Variants in CREBBP observed in about 807,000 individuals in gnomAD.
The protein encoded by CREBBP is CREB binding lysine acetyltransferase.
A neutral mutation model predicts 265.0 loss-of-function variants in CREBBP; 19 were observed. That is an observed-to-expected ratio of 0.07 (90% CI 0.05 to 0.11). CREBBP has a LOEUF of 0.11. CREBBP is among the 10% of genes least tolerant of loss of function. The pLI is 1.00. For missense variants in CREBBP, 2,525 were observed against 3,219.0 expected (o/e 0.78, Z 5.22); for synonymous variants, 1,457 against 1,223.7 (o/e 1.19, Z -3.98).
chr16:3,825,339 C>T (rs1292381284), intron 2 of CREBBP, among the ~76,000 whole-genome samples: 1 of 152,190 alleles, frequency 6.6e-6, no homozygotes, highest in Non-Finnish European at 1.5e-5. Context: ...TCCCTGCAAT[C>T]ACACTACTTC....
chr16:3,808,047 T>C (rs1480616363), intron 3 of CREBBP, among the ~76,000 whole-genome samples: 1 of 150,322 alleles, frequency 6.7e-6, no homozygotes, highest in East Asian at 2.0e-4. Context: ...TGGACAAAAA[T>C]GCTTTCTCAG....
intron 1 of CREBBP, among the ~76,000 whole-genome samples, chr16:3,853,243 G>A (rs1280501906): frequency 1.3e-5 from 2 of 152,140 alleles, no homozygotes; most frequent in Non-Finnish European, 2.9e-5. Flanking sequence ...GCCTATGGGT[G>A]GTAAATGCTA....
intron 23 of CREBBP, chr16:3,741,655 T>G (rs1466277400): frequency 7.5e-5 from 11 of 147,302 alleles, no homozygotes; most frequent in Admixed American, 7.5e-4. Flanking sequence ...AAATACAAAA[T>G]TAAGCTGAGC....
At chr16:3,854,483 G>C (rs947090430) in intron 1 of CREBBP, among the ~76,000 whole-genome samples, 8 of 152,182 alleles carry the variant, frequency 5.3e-5, no homozygotes, top group Admixed American at 3.3e-4. Context: ...TGTTATGTGA[G>C]AAAATACACT....
At chr16:3,866,516 T>G (rs2055181400) in intron 1 of CREBBP, among the ~76,000 whole-genome samples, 1 of 152,126 alleles carries the variant, frequency 6.6e-6, no homozygotes, top group African/African-American at 2.4e-5. Context: ...TTCTCACCAT[T>G]TAACAGATTC....
chr16:3,732,349 G>A (rs1371127745), intron 28 of CREBBP, among the ~76,000 whole-genome samples: 1 of 152,182 alleles, frequency 6.6e-6, no homozygotes, highest in Non-Finnish European at 1.5e-5. Flanking sequence ...CCAGGAGACA[G>A]GAAAGCTGCT....
Position 3,760,394 on chromosome 16 carries a change from T to TTTTTTTTTG in CREBBP, c.3251-1423_3251-1422insCAAAAAAAA, listed in dbSNP as rs1247593123. 6.6e-4 allele frequency among the ~76,000 whole-genome samples: 55 copies of TTTTTTTTTG among 83,950 alleles called. 1 individual carries two copies. In the East Asian group the frequency reaches 0.01, roughly 16 times the overall value. 55.1% of individuals were successfully genotyped at this position (83,950 alleles called of 152,430 possible). ...GGCACTAAGCTATCATGCCCAGGTTTTTTTTTTTTTTTTTTTTTTTTTTTT... is the reference window on the plus strand; with the variant it reads ...GGCACTAAGCTATCATGCCCAGGTTTTTTTTTTTGTTTTTTTTTTTTTTTTTTTTTTTTT... On this transcript the variant is annotated intron_variant, in intron 16 of 30. Coordinates refer to ENST00000262367, the MANE Select transcript of CREBBP (RefSeq NM_004380.3).
Position 3,767,870 on chromosome 16 carries a change from CTTT to C in CREBBP, c.3097_3099del (p.Lys1033del). ...TTCTGCTCTGCTATGTCTGTTTCTT[CTTT>C]AACTTGGGAAGCTCCTTGCAAATCC... On this transcript the variant is annotated inframe_deletion, in exon 16 of 31. Transcript: ENST00000262367. 1.2e-6 allele frequency: 2 copies of C among 1,614,154 alleles called. No homozygotes were observed. Among genetic ancestry groups the C allele is most frequent in the Middle Eastern group, 1.6e-4 (1 of 6,062 alleles).
chr16:3,810,827 A>G (rs2053925363), intron 2 of CREBBP, 48 bp from the exon 3 acceptor site: 1 of 1,587,630 alleles, frequency 6.3e-7, no homozygotes, highest in Non-Finnish European at 8.6e-7. Flanking sequence ...CAGTCAATAT[A>G]AAAGGAAGGG....
rs1175483527 is a variant in CREBBP, at chr16:3,772,612, T to C, written c.2463+1139A>G. 7.9e-5 allele frequency among the ~76,000 whole-genome samples: 12 copies of C among 152,196 alleles called. No homozygotes were observed. The East Asian group carries it at 1.7e-3, about 22-fold the overall frequency. On this transcript the variant is annotated intron_variant, in intron 13 of 30. Coordinates refer to ENST00000262367, the MANE Select transcript of CREBBP (RefSeq NM_004380.3). Reference sequence around the variant, plus strand: ...AGAACAGAAGTGATGAAAACCAAGATTGAATGGCCTGCAAAGCTGAAAATA... The same window carrying C: ...AGAACAGAAGTGATGAAAACCAAGACTGAATGGCCTGCAAAGCTGAAAATA...
chr16:3,767,112 C>T (rs2052873848), intron 16 of CREBBP, among the ~76,000 whole-genome samples: 1 of 152,128 alleles, frequency 6.6e-6, no homozygotes, highest in South Asian at 2.1e-4. Flanking sequence ...ACTGTGGATA[C>T]ATCTCAAATG....
intron 10 of CREBBP, 38 bp from the exon 11 acceptor site, chr16:3,777,695 T>C: frequency 6.2e-7 from 1 of 1,608,782 alleles, no homozygotes; most frequent in Non-Finnish European, 8.5e-7. Context: ...AAAACCACCC[T>C]AGTTATTTAA....
intron 8 of CREBBP, among the ~76,000 whole-genome samples, chr16:3,780,278 T>C (rs1414030609): frequency 2.0e-5 from 3 of 151,856 alleles, no homozygotes; most frequent in Non-Finnish European, 4.4e-5. Context: ...ACTGTTAACT[T>C]TCCGTTATGT....
chr16:3,789,241 T>C (rs1244160418), intron 5 of CREBBP, among the ~76,000 whole-genome samples: 4 of 152,210 alleles, frequency 2.6e-5, no homozygotes, highest in African/African-American at 9.7e-5. Context: ...GCAGAGTCCC[T>C]GAGGCTTCCA....
chr16:3,740,267 G>A (rs975684328), intron 24 of CREBBP, 132 bp downstream of exon 24: 2 of 1,008,598 alleles, frequency 2.0e-6, no homozygotes, highest in African/African-American at 1.6e-5. Context: ...AGCTGAGGGG[G>A]CTACTGCACG....
Position 3,731,893 on chromosome 16 carries a change from CTTG to C in CREBBP, c.4770_4772del (p.Asn1590del), listed in dbSNP as rs1180421390. 10 of 1,614,144 alleles carry C rather than the reference CTTG, an allele frequency of 6.2e-6. No homozygotes were observed. The highest frequency in any genetic ancestry group is 1.3e-5 in the African/African-American group (1 of 74,946). The stretch of plus-strand genomic sequence containing the variant: ...TGCTGCTTTTGTTCTTGTTGGTTTT[CTTG>C]TTGTTCTTCTTCTTGGCATTCTTGC... On this transcript the variant is annotated inframe_deletion, in exon 29 of 31. Coordinates refer to ENST00000262367, the MANE Select transcript of CREBBP (RefSeq NM_004380.3). The surrounding 1 kb of genome is among the most constrained non-coding windows in gnomAD (Gnocchi z 7.7).
Position 3,728,289 on chromosome 16 carries a change from T to TGCTGCTGCATGC in CREBBP, c.6746_6757dup (p.Arg2249_Gln2252dup). ...CATGGAGCTGCCCTGGAGGGGGAGA[T>TGCTGCTGCATGC]GCTGCTGCATGCGCTGCTGCTGCTG... is the stretch of plus-strand genomic sequence containing the variant. On this transcript the variant is annotated inframe_insertion, in exon 31 of 31. Coordinates refer to ENST00000262367, the MANE Select transcript of CREBBP (RefSeq NM_004380.3). This position sits in a 1 kb window ranked among gnomAD's most constrained non-coding sequence, Gnocchi z 8.7. 6.2e-7 allele frequency: 1 copy of TGCTGCTGCATGC among 1,612,034 alleles called. No homozygotes were observed. The highest frequency in any genetic ancestry group is 8.5e-7 in the Non-Finnish European group (1 of 1,179,530).
rs1351901078 is a variant in CREBBP at position 3,728,233 on chromosome 16, C to T, written c.6814G>A (p.Gly2272Ser). The part of the protein sequence containing the change: ...GQMAAQMGQL[G>S]QMGQPGLGAD... Reference sequence around the variant, plus strand: ...CCCAGCCCCGGCTGCCCCATCTGGCCAAGCTGTCCCATCTGAGCCGCCATC... The same window carrying T: ...CCCAGCCCCGGCTGCCCCATCTGGCTAAGCTGTCCCATCTGAGCCGCCATC... Residue 2272 changes from glycine (G) to serine (S), a missense_variant, in exon 31 of 31, where the codon GGC becomes AGC. Gly to Ser is a moderately conservative substitution (Grantham distance 56). Around this residue, in one of 19 missense-constraint regions of CREBBP, gnomAD observed 473 missense variants for 459.3 expected, o/e 1.03. Transcript: ENST00000262367. This position sits in a 1 kb window ranked among gnomAD's most constrained non-coding sequence, Gnocchi z 8.7. 1.9e-5 allele frequency: 31 copies of T among 1,613,108 alleles called. 1 individual carries two copies. The Admixed American group carries it at 5.2e-4, about 27-fold the overall frequency.
At chr16:3,827,625 T>C (rs1448332404) in intron 2 of CREBBP, among the ~76,000 whole-genome samples, 1 of 152,082 alleles carries the variant, frequency 6.6e-6, no homozygotes, top group Non-Finnish European at 1.5e-5. Context: ...TCTCCTGACC[T>C]CGTGATCCAC....
Sources: gnomAD v4.1 joint callset for allele counts (sites outside exome capture counted in the v4.1 genomes callset) on GRCh38, gnomAD v4.1.1 for gene constraint, gnomAD v4.1.1 regional missense constraint, Gnocchi (gnomAD v3.1) non-coding constraint, MANE v1.5 for transcripts, NCBI Gene and HGNC (gene_info 2026-07-23, HGNC 2026-07-21) for gene names.